CPNE4: variants seen among roughly 807,000 people sequenced by gnomAD.
The protein encoded by CPNE4 is copine-4.
In CPNE4, 25 loss-of-function variants were observed where a neutral mutation model predicts 67.9. The ratio of observed to expected loss-of-function variants is 0.37; its 90% CI spans 0.27 to 0.51. CPNE4 has a LOEUF of 0.51. Among genes scored for constraint, CPNE4 ranks in the 20% least tolerant of loss-of-function variants. The probability of loss-of-function intolerance (pLI) is 0.93; values close to 1 mark genes in which losing one functional copy is unlikely to be tolerated. For synonymous variants in CPNE4, 242 were observed against 244.9 expected (o/e 0.99, Z 0.11); for missense variants, 464 against 690.8 (o/e 0.67, Z 3.68).
At chr3:132,028,669 A>T (rs576403129) in intron 1 of CPNE4, among the ~76,000 whole-genome samples, 1 of 152,320 alleles carries the variant, frequency 6.6e-6, no homozygotes, top group African/African-American at 2.4e-5. Flanking sequence ...AAAAGGAAAA[A>T]TGGCGAAAGT....
intron 2 of CPNE4, among the ~76,000 whole-genome samples, chr3:131,864,229 C>A (rs1298286236): frequency 1.3e-5 from 2 of 150,976 alleles, no homozygotes. Flanking sequence ...GTAGTTTTTT[C>A]CAATTCTGTG....
chr3:131,884,692 T>TG (rs2087810376), intron 2 of CPNE4, among the ~76,000 whole-genome samples: 2 of 152,088 alleles, frequency 1.3e-5, no homozygotes, highest in Admixed American at 1.3e-4. Context: ...AAATGAATCA[T>TG]GGGGGCAGTT....
intron 8 of CPNE4, 37 bp downstream of exon 8, chr3:131,587,447 C>A: frequency 7.2e-7 from 1 of 1,388,436 alleles, no homozygotes; most frequent in South Asian, 1.2e-5. Flanking sequence ...TGCATCATAC[C>A]GACTGGAGGC....
chr3:131,620,751 G>C (rs1043779135), intron 7 of CPNE4, among the ~76,000 whole-genome samples: 1 of 152,094 alleles, frequency 6.6e-6, no homozygotes, highest in African/African-American at 2.4e-5. Context: ...TTGCTAGAAG[G>C]GGGTCACAGG....
At chr3:131,792,892 A>T (rs574950865) in intron 2 of CPNE4, among the ~76,000 whole-genome samples, 66 of 127,976 alleles carry the variant, frequency 5.2e-4, no homozygotes, top group East Asian at 3.1e-3. Context: ...AGGTATTTCC[A>T]GTGTGTGTGT....
chr3:131,723,912 T>G (rs1193126369), intron 2 of CPNE4, among the ~76,000 whole-genome samples: 2 of 152,016 alleles, frequency 1.3e-5, no homozygotes, highest in African/African-American at 2.4e-5. Context: ...TGTCATTTTG[T>G]TGATGGGAAA....
At chr3:131,941,062 T>C (rs940730709) in intron 1 of CPNE4, among the ~76,000 whole-genome samples, 2 of 152,082 alleles carry the variant, frequency 1.3e-5, no homozygotes, top group African/African-American at 4.8e-5. Flanking sequence ...CTATTAGGCA[T>C]TTTAAAATTA....
At chr3:131,890,465 G>A (rs1372987926) in intron 2 of CPNE4, among the ~76,000 whole-genome samples, 1 of 151,266 alleles carries the variant, frequency 6.6e-6, no homozygotes, top group Admixed American at 6.6e-5. Flanking sequence ...TGAGATTGTG[G>A]AGAAATTAGA....
Position 131,656,481 on chromosome 3 carries a change from G to A in CPNE4, c.681+13194C>T, listed in dbSNP as rs577876007. ...GTGAGACCAAATAGCAAAAAATCTG[G>A]TACAATGTCATCAATGGTATCGAGC... On this transcript the variant is annotated intron_variant, in intron 7 of 15. Transcript: ENST00000429747. Among the ~76,000 whole-genome samples, 8 of 152,248 alleles carry A rather than the reference G, an allele frequency of 5.3e-5. No homozygotes were observed. The South Asian group carries it at 8.3e-4, about 16-fold the overall frequency.
chr3:131,716,858 G>A (rs1442256246), intron 3 of CPNE4, among the ~76,000 whole-genome samples: 2 of 152,196 alleles, frequency 1.3e-5, no homozygotes, highest in Admixed American at 6.5e-5. Context: ...AGCTGAGCTG[G>A]GATTTGACCC....
rs1320891660 is a variant in CPNE4, at chr3:131,608,640, G to A, written c.682-21058C>T. 2.0e-5 allele frequency among the ~76,000 whole-genome samples: 3 copies of A among 152,054 alleles called. No individual in the cohort carries two copies. In the East Asian group the frequency reaches 5.8e-4, roughly 29 times the overall value. ...GCCTTAAGGAAAGGATACTCTAGGA[G>A]GTTGATAATAGTGGAGAACTGAGAG... On this transcript the variant is annotated intron_variant, in intron 7 of 15. Coordinates refer to ENST00000429747, the MANE Select transcript of CPNE4 (RefSeq NM_130808.3).
intron 2 of CPNE4, among the ~76,000 whole-genome samples, chr3:131,773,317 A>G (rs1363751811): frequency 1.3e-5 from 2 of 151,576 alleles, no homozygotes; most frequent in African/African-American, 2.4e-5. Flanking sequence ...TTAAAATGAT[A>G]AAACAATATG....
At chr3:131,799,296 G>T (rs755846425) in intron 2 of CPNE4, among the ~76,000 whole-genome samples, 5 of 152,088 alleles carry the variant, frequency 3.3e-5, no homozygotes, top group Non-Finnish European at 7.4e-5. Flanking sequence ...AAGGAACAGA[G>T]CTGTGATACT....
At chr3:131,717,887 T>TTTTC (rs1560172958) in intron 3 of CPNE4, among the ~76,000 whole-genome samples, 8 of 61,800 alleles carry the variant, frequency 1.3e-4, no homozygotes, top group Non-Finnish European at 2.7e-4. Context: ...TCTTTCTTTC[T>TTTTC]TTCTTTCTTT....
At chr3:131,968,363 C>G (rs964290999) in intron 1 of CPNE4, among the ~76,000 whole-genome samples, 1 of 152,160 alleles carries the variant, frequency 6.6e-6, no homozygotes, top group Non-Finnish European at 1.5e-5. Flanking sequence ...CAAATGGGAT[C>G]TAACTAAACT....
chr3:131,869,703 T>A (rs1398226002), intron 2 of CPNE4, among the ~76,000 whole-genome samples: 1 of 152,210 alleles, frequency 6.6e-6, no homozygotes, highest in Non-Finnish European at 1.5e-5. Context: ...CAATCATAAC[T>A]ACATAGATGA....
chr3:131,680,046 T>C (rs1259372865), intron 6 of CPNE4, among the ~76,000 whole-genome samples: 1 of 152,154 alleles, frequency 6.6e-6, no homozygotes, highest in East Asian at 1.9e-4. Flanking sequence ...CCCACTATTA[T>C]TGTGTGGGGG....
chr3:131,847,530 T>G (rs1048326272), intron 2 of CPNE4, among the ~76,000 whole-genome samples: 1 of 151,846 alleles, frequency 6.6e-6, no homozygotes, highest in Non-Finnish European at 1.5e-5. Flanking sequence ...AGAATGGGGG[T>G]CGATAGGTAG....
intron 1 of CPNE4, among the ~76,000 whole-genome samples, chr3:131,998,951 A>T (rs7613261): frequency 0.27 from 40,792 of 151,824 alleles, 6,411 homozygotes; most frequent in African/African-American, 0.44. Context: ...TTACCGGATG[A>T]TGAGAAATGC....
Sources: allele counts gnomAD v4.1 joint callset (sites outside exome capture counted in the v4.1 genomes callset), GRCh38; gene constraint gnomAD v4.1.1; transcripts MANE v1.5; gene names NCBI Gene and HGNC (gene_info 2026-07-23, HGNC 2026-07-21).